The following RELCH variants were observed in gnomAD, a reference collection of about 807,000 sequenced individuals.
RELCH encodes RAB11-binding protein RELCH.
In RELCH, 41 loss-of-function variants were observed where a neutral mutation model predicts 150.3. The ratio of observed to expected loss-of-function variants is 0.27; its 90% CI spans 0.21 to 0.35. The LOEUF is 0.35. Among genes scored for constraint, RELCH ranks in the 10% least tolerant of loss-of-function variants. The probability of loss-of-function intolerance (pLI) is 1.00; values close to 1 mark genes in which losing one functional copy is unlikely to be tolerated. For missense variants in RELCH, 1,092 were observed against 1,467.8 expected, an observed-to-expected ratio of 0.74 and a Z score of 4.18; for synonymous variants, 478 against 531.8, an observed-to-expected ratio of 0.90 and a Z score of 1.39.
Position 62,287,398 on chromosome 18 carries a change from A to G in RELCH, c.3301A>G (p.Ile1101Val). The G allele has an allele frequency of 6.2e-7, 1 of 1,610,812 alleles. No individual in the cohort carries two copies. Among genetic ancestry groups the G allele is most frequent in the Non-Finnish European group, 8.5e-7 (1 of 1,177,738 alleles). Residue 1101 changes from isoleucine to valine, a missense_variant, in exon 26 of 29, where the codon ATT becomes GTT. By Grantham distance (29) the Ile-to-Val change is conservative. Around this residue, in one of 4 missense-constraint regions of RELCH, gnomAD observed 707 missense variants for 1,025.4 expected, o/e 0.69. Transcript: ENST00000644646. ...GTTAGCCTTGGTGAACAACTTACAG[A>G]TTGTGGATTCTAAAAGACTGGACAT... ...HKLALVNNLQ[I>V]VDSKRLDIAT...
At position 62,305,330 on chromosome 18, in the gene RELCH, G is replaced by C; in HGVS notation, c.3531-84G>C. 4 of 1,221,450 alleles carry C rather than the reference G, an allele frequency of 3.3e-6. No individual in the cohort carries two copies. In the South Asian group the frequency reaches 4.6e-5, roughly 14 times the overall value. The allele number at this position is 1,221,450 out of a possible 1,614,324, so 75.7% of individuals were successfully genotyped here. A position where few individuals can be genotyped will look rare whatever the true frequency, so the allele number is the denominator to read the frequency against. ...CTTTTGTGACGCCAATTCAGAGTGT[G>C]TTCGTTAATGATATGCTACTAAATA... On this transcript the variant is annotated intron_variant, in intron 28 of 28. Coordinates refer to ENST00000644646, the MANE Select transcript of RELCH (RefSeq NM_001346231.2). This position sits in a 1 kb window ranked among gnomAD's most constrained non-coding sequence, Gnocchi z 4.0.
chr18:62,227,234 A>G, intron 5 of RELCH, 55 bp from the exon 6 acceptor site: 1 of 1,238,688 alleles, frequency 8.1e-7, no homozygotes, highest in Non-Finnish European at 1.1e-6. Flanking sequence ...TGAATTTCAA[A>G]AATGTAAGAT....
At chr18:62,276,273 G>A (rs571230282) in intron 22 of RELCH, among the ~76,000 whole-genome samples, 2 of 152,218 alleles carry the variant, frequency 1.3e-5, no homozygotes, top group Non-Finnish European at 1.5e-5. Flanking sequence ...GGACAAGGTT[G>A]AGCCTCTCTG....
At chr18:62,258,418 C>G in intron 14 of RELCH, 94 bp from the exon 15 acceptor site, 1 of 1,124,244 alleles carries the variant, frequency 8.9e-7, no homozygotes, top group Non-Finnish European at 1.2e-6. Flanking sequence ...AAAATATGTT[C>G]TTAATTTATT....
At chr18:62,239,803 T>G (rs2042051189) in intron 10 of RELCH, among the ~76,000 whole-genome samples, 1 of 152,078 alleles carries the variant, frequency 6.6e-6, no homozygotes, top group African/African-American at 2.4e-5. Context: ...TTATACCCTT[T>G]GTTTTACATG....
intron 28 of RELCH, among the ~76,000 whole-genome samples, chr18:62,305,000 GA>G (rs1258735125): frequency 6.6e-6 from 1 of 152,236 alleles, no homozygotes; most frequent in African/African-American, 2.4e-5. Flanking sequence ...AGAATTAAAT[GA>G]AGTGATAAAG....
At chr18:62,295,686 C>T (rs2045375834) in intron 27 of RELCH, among the ~76,000 whole-genome samples, 1 of 152,076 alleles carries the variant, frequency 6.6e-6, no homozygotes, top group Non-Finnish European at 1.5e-5. Context: ...ATCCCCCCAC[C>T]TCAGCCTCCT....
At chr18:62,243,881 CCTT>C (rs2042271681) in intron 10 of RELCH, among the ~76,000 whole-genome samples, 1 of 151,844 alleles carries the variant, frequency 6.6e-6, no homozygotes, top group Non-Finnish European at 1.5e-5. Flanking sequence ...GTCATTCTTC[CCTT>C]CTTAATTACA....
At chr18:62,277,646 A>G in intron 22 of RELCH, 1 of 971,040 alleles carries the variant, frequency 1.0e-6, no homozygotes. Context: ...TATACCAGGA[A>G]CCTAATAGGG....
At chr18:62,251,698 C>G (rs2042710781) in intron 11 of RELCH, among the ~76,000 whole-genome samples, 1 of 152,178 alleles carries the variant, frequency 6.6e-6, no homozygotes, top group Non-Finnish European at 1.5e-5. Context: ...TAAAATACCA[C>G]TTTATTAATA....
chr18:62,229,399 G>T lies in RELCH; in HGVS notation c.1448+801G>T, dbSNP rs577590354. On this transcript the variant is annotated intron_variant, in intron 8 of 28. Transcript: ENST00000644646. Reference sequence around the variant, plus strand: ...CAACTAATTTGCTTCAGACTTATAGGTTCCCATTATTACTAAGAAGTATTG... The same window carrying T: ...CAACTAATTTGCTTCAGACTTATAGTTTCCCATTATTACTAAGAAGTATTG... Among the ~76,000 whole-genome samples, 20 of 151,776 alleles carry T rather than the reference G, an allele frequency of 1.3e-4. 1 individual carries two copies. The Middle Eastern group carries it at 0.014, about 103-fold the overall frequency.
At chr18:62,222,901 GAA>G (rs1568337694) in intron 5 of RELCH, among the ~76,000 whole-genome samples, 6 of 151,778 alleles carry the variant, frequency 4.0e-5, no homozygotes. Flanking sequence ...AGTTAAAAAA[GAA>G]AAGGGAAATT....
chr18:62,292,086 T>G (rs1258579118), intron 27 of RELCH, among the ~76,000 whole-genome samples: 5 of 152,176 alleles, frequency 3.3e-5, no homozygotes, highest in African/African-American at 4.8e-5. Flanking sequence ...CATCAGCTTT[T>G]CCTTTTACGA....
At position 62,308,890 on chromosome 18, in the gene RELCH, A is replaced by G. The variant is rs2045944320; in HGVS notation, c.*3356A>G. The G allele has an allele frequency of 6.6e-6, 1 of 152,158 alleles. No individual in the cohort carries two copies. Among genetic ancestry groups the G allele is most frequent in the South Asian group, 2.1e-4 (1 of 4,830 alleles). The allele number at this position is 152,158 out of a possible 1,614,324, so 9.4% of individuals were successfully genotyped here. A position where few individuals can be genotyped will look rare whatever the true frequency, so the allele number is the denominator to read the frequency against. Reference sequence around the variant, plus strand: ...GAGTAGACATCTATTTCAAAGTTCTACTGTAACTTTACAGTGTGCTTAGTT... The same window carrying G: ...GAGTAGACATCTATTTCAAAGTTCTGCTGTAACTTTACAGTGTGCTTAGTT... On this transcript the variant is annotated 3_prime_UTR_variant, in exon 29 of 29. Coordinates refer to ENST00000644646, the MANE Select transcript of RELCH (RefSeq NM_001346231.2).
rs2045904645 is a variant in RELCH at position 62,307,164 on chromosome 18, ATACTT to A, written c.*1632_*1636del. 6.6e-6 allele frequency: 1 copy of A among 152,158 alleles called. No individual in the cohort carries two copies. Among genetic ancestry groups the A allele is most frequent in the Admixed American group, 6.5e-5 (1 of 15,278 alleles). 9.4% of individuals were successfully genotyped at this position (152,158 alleles called of 1,614,324 possible). Reference sequence around the variant, plus strand: ...CATTTTACTTTCGTTTTGAAACACTATACTTTCTATTAAGCAAAAAAATGAGAAAA... The same window carrying A: ...CATTTTACTTTCGTTTTGAAACACTATCTATTAAGCAAAAAAATGAGAAAA... On this transcript the variant is annotated 3_prime_UTR_variant, in exon 29 of 29. Transcript: ENST00000644646.
intron 9 of RELCH, among the ~76,000 whole-genome samples, chr18:62,231,705 C>A (rs995238255): frequency 4.0e-5 from 6 of 151,832 alleles, no homozygotes; most frequent in African/African-American, 1.5e-4. Context: ...TTTATTTTTG[C>A]AGATTAGTCT....
At chr18:62,292,239 T>C (rs529026894) in intron 27 of RELCH, among the ~76,000 whole-genome samples, 1 of 152,288 alleles carries the variant, frequency 6.6e-6, no homozygotes, top group African/African-American at 2.4e-5. Context: ...CACTAATCCA[T>C]TGAAACTGCC....
intron 24 of RELCH, 136 bp downstream of exon 24, chr18:62,280,845 A>C: frequency 3.4e-6 from 2 of 595,854 alleles, no homozygotes; most frequent in Non-Finnish European, 3.0e-6. Context: ...GGAGGATCTC[A>C]CTGTGAAAAC....
At chr18:62,202,788 G>A (rs1209362749) in intron 1 of RELCH, among the ~76,000 whole-genome samples, 1 of 152,174 alleles carries the variant, frequency 6.6e-6, no homozygotes, top group South Asian at 2.1e-4. Flanking sequence ...AAAAGACTTA[G>A]TAAACTAATA....
Sources: allele counts gnomAD v4.1 joint callset (sites outside exome capture counted in the v4.1 genomes callset), GRCh38; gene constraint gnomAD v4.1.1; regional missense constraint gnomAD v4.1.1; non-coding constraint Gnocchi (gnomAD v3.1); transcripts MANE v1.5; gene names NCBI Gene and HGNC (gene_info 2026-07-23, HGNC 2026-07-21).